Variants in GRIP1 observed in about 807,000 individuals in gnomAD.
The protein encoded by GRIP1 is glutamate receptor-interacting protein 1.
In GRIP1, 45 loss-of-function variants were observed where a neutral mutation model predicts 129.9. That is an observed-to-expected ratio of 0.35 (90% CI 0.27 to 0.44). The LOEUF (loss-of-function observed/expected upper bound fraction) is 0.44. GRIP1 is among the 20% of genes least tolerant of loss of function. GRIP1 has a pLI of 1.00. For missense variants in GRIP1, 1,196 were observed against 1,396.8 expected (o/e 0.86, Z 2.29); for synonymous variants, 530 against 520.8 (o/e 1.02, Z -0.24).
At chr12:66,494,751 C>T (rs1429475538) in intron 7 of GRIP1, among the ~76,000 whole-genome samples, 2 of 151,970 alleles carry the variant, frequency 1.3e-5, no homozygotes, top group East Asian at 3.9e-4. Flanking sequence ...TATGGTGGCA[C>T]ATGCCTGTGT....
intron 1 of GRIP1, among the ~76,000 whole-genome samples, chr12:66,653,212 A>C (rs2032923843): frequency 6.6e-6 from 1 of 152,230 alleles, no homozygotes; most frequent in Non-Finnish European, 1.5e-5. Flanking sequence ...AATAAAAAAA[A>C]ACCTCTTTCC....
At chr12:66,938,513 A>G (rs2041524863) in intron 1 of GRIP1, among the ~76,000 whole-genome samples, 1 of 152,256 alleles carries the variant, frequency 6.6e-6, no homozygotes, top group Non-Finnish European at 1.5e-5. Context: ...GGCCAGAATT[A>G]TATTTCTGTT....
At chr12:66,481,425 G>C (rs933837109) in intron 7 of GRIP1, among the ~76,000 whole-genome samples, 1 of 152,070 alleles carries the variant, frequency 6.6e-6, no homozygotes, top group African/African-American at 2.4e-5. Context: ...TTAGAATGGT[G>C]ATCATTAAAA....
At position 66,529,930 on chromosome 12, in the gene GRIP1, A is replaced by T. The variant is rs1270483657; in HGVS notation, c.419-16T>A. Reference sequence around the variant, plus strand: ...CCTTGCACAGCTGAATAAAGGAAAGAGAGAAGGAAATATAACTTGTAAGTC... The same window carrying T: ...CCTTGCACAGCTGAATAAAGGAAAGTGAGAAGGAAATATAACTTGTAAGTC... On this transcript the variant is annotated splice_polypyrimidine_tract_variant and intron_variant, in intron 4 of 24. Transcript: ENST00000359742. The T allele has an allele frequency of 6.9e-7, 1 of 1,455,384 alleles. No homozygotes were observed. Among genetic ancestry groups the T allele is most frequent in the South Asian group, 1.1e-5 (1 of 87,962 alleles). 90.2% of individuals were successfully genotyped at this position (1,455,384 alleles called of 1,614,324 possible). A position where few individuals can be genotyped will look rare whatever the true frequency, so the allele number is the denominator to read the frequency against.
In GRIP1 at chr12:66,578,231, G is replaced by GTTTTTTTTTTTTTTTT. The variant is rs1462512737; in HGVS notation, c.136+18615_136+18616insAAAAAAAAAAAAAAAA. Among the ~76,000 whole-genome samples, 54 of 31,492 alleles carry GTTTTTTTTTTTTTTTT rather than the reference G, an allele frequency of 1.7e-3. 2 individuals are homozygous for GTTTTTTTTTTTTTTTT. The highest frequency in any genetic ancestry group is 2.3e-3 in the Non-Finnish European group (38 of 16,630). The allele number at this position is 31,492 out of a possible 152,430, so 20.7% of individuals were successfully genotyped here. A position where few individuals can be genotyped will look rare whatever the true frequency, so the allele number is the denominator to read the frequency against. Reference sequence around the variant, plus strand: ...AGCCTGACTAATATGGCAAAACCGCGGTTTTTTTTTTTTTTTTTGTAAAAA... The same window carrying GTTTTTTTTTTTTTTTT: ...AGCCTGACTAATATGGCAAAACCGCGTTTTTTTTTTTTTTTTGTTTTTTTTTTTTTTTTTGTAAAAA... On this transcript the variant is annotated intron_variant, in intron 2 of 24. Coordinates refer to ENST00000359742, the MANE Select transcript of GRIP1 (RefSeq NM_001366722.1).
chr12:66,928,834 A>G (rs17780496), intron 1 of GRIP1, among the ~76,000 whole-genome samples: 30,409 of 152,126 alleles, frequency 0.2, 3,285 homozygotes, highest in South Asian at 0.26. Context: ...GAAATTAATA[A>G]TCCAGGAAGC....
chr12:66,564,443 A>G (rs1255182707), intron 2 of GRIP1, among the ~76,000 whole-genome samples: 1 of 152,112 alleles, frequency 6.6e-6, no homozygotes. Flanking sequence ...ATGTCCCTAC[A>G]AAAGACATTA....
chr12:66,928,005 G>C (rs1443754730), intron 1 of GRIP1, among the ~76,000 whole-genome samples: 1 of 152,200 alleles, frequency 6.6e-6, no homozygotes. Flanking sequence ...CTTGTGACCA[G>C]AGTGGAAGCC....
intron 15 of GRIP1, among the ~76,000 whole-genome samples, chr12:66,409,399 T>G (rs977683633): frequency 7.2e-5 from 11 of 152,206 alleles, no homozygotes; most frequent in Non-Finnish European, 1.3e-4. Context: ...TCCAGATGAT[T>G]CTTCTGGATC....
At position 66,678,834 on chromosome 12, in the gene GRIP1, A is replaced by T. The variant is rs763369501; in HGVS notation, c.55+16T>A. On this transcript the variant is annotated intron_variant, in intron 1 of 24. Transcript: ENST00000359742. ...GCAACAGACTCGCTGAGGGAATAAC[A>T]AGGAAAGCACGATACCTTTAGTAAG... 1 of 1,611,540 alleles carries T rather than the reference A, an allele frequency of 6.2e-7. No homozygotes were observed. Among genetic ancestry groups the T allele is most frequent in the Non-Finnish European group, 8.5e-7 (1 of 1,177,912 alleles).
intron 7 of GRIP1, among the ~76,000 whole-genome samples, chr12:66,491,782 A>G (rs1412173574): frequency 6.6e-6 from 1 of 152,252 alleles, no homozygotes; most frequent in African/African-American, 2.4e-5. Flanking sequence ...TTACCAATGG[A>G]AAGATGAAAA....
chr12:66,675,425 CAT>C (rs1246888812), intron 1 of GRIP1, among the ~76,000 whole-genome samples: 1 of 152,136 alleles, frequency 6.6e-6, no homozygotes, highest in African/African-American at 2.4e-5. Context: ...TGATTCTCTG[CAT>C]ATGAGGCCAA....
At chr12:66,551,164 C>T (rs571434297) in intron 2 of GRIP1, among the ~76,000 whole-genome samples, 2 of 152,258 alleles carry the variant, frequency 1.3e-5, no homozygotes, top group East Asian at 1.9e-4. Flanking sequence ...GTCCTAAAAA[C>T]GTTTTTAAGC....
intron 16 of GRIP1, among the ~76,000 whole-genome samples, chr12:66,404,754 A>G (rs1302164069): frequency 6.6e-6 from 1 of 152,176 alleles, no homozygotes; most frequent in African/African-American, 2.4e-5. Context: ...ATCTATGGCC[A>G]GGCGCAGTGG....
chr12:66,526,477 T>G (rs552296520), intron 5 of GRIP1, among the ~76,000 whole-genome samples: 3 of 152,084 alleles, frequency 2.0e-5, no homozygotes, highest in African/African-American at 2.4e-5. Context: ...GCTAGCCATA[T>G]GTAGAAAGCT....
intron 1 of GRIP1, among the ~76,000 whole-genome samples, chr12:66,864,806 CT>C (rs756989293): frequency 4.6e-5 from 7 of 152,128 alleles, no homozygotes; most frequent in Non-Finnish European, 7.4e-5. Flanking sequence ...AAAATTATTG[CT>C]GCCTCAAAGG....
chr12:66,666,349 T>C (rs1288058978), intron 1 of GRIP1, among the ~76,000 whole-genome samples: 2 of 152,168 alleles, frequency 1.3e-5, no homozygotes, highest in Admixed American at 6.5e-5. Context: ...CTGCCAAAAA[T>C]TTTTTAAAAA....
intron 1 of GRIP1, among the ~76,000 whole-genome samples, chr12:67,009,586 C>A (rs1565637019): frequency 6.6e-6 from 1 of 152,102 alleles, no homozygotes; most frequent in Non-Finnish European, 1.5e-5. Context: ...ATAATTGGCC[C>A]CAAAATGGTT....
At chr12:66,661,052 A>T (rs2033469562) in intron 1 of GRIP1, among the ~76,000 whole-genome samples, 1 of 152,100 alleles carries the variant, frequency 6.6e-6, no homozygotes, top group African/African-American at 2.4e-5. Flanking sequence ...AAATAAAAGC[A>T]TAATATACAG....
Sources: allele counts gnomAD v4.1 joint callset (sites outside exome capture counted in the v4.1 genomes callset), GRCh38; gene constraint gnomAD v4.1.1; transcripts MANE v1.5; gene names NCBI Gene and HGNC (gene_info 2026-07-23, HGNC 2026-07-21).